Variants in PCDHGA6 observed in about 807,000 individuals in gnomAD.
The protein encoded by PCDHGA6 is protocadherin gamma subfamily A, 6.
Under a neutral mutation model 60.6 loss-of-function variants are expected in PCDHGA6, and 41 were observed. The ratio of observed to expected loss-of-function variants is 0.68; its 90% CI spans 0.53 to 0.88. The LOEUF is 0.88. PCDHGA6 is among the 40% of genes least tolerant of loss of function. PCDHGA6 has a pLI of 0.00. For synonymous variants in PCDHGA6, 594 were observed against 524.4 expected (o/e 1.13, Z -1.81); for missense variants, 1,312 against 1,203.0 (o/e 1.09, Z -1.34).
At chr5:141,468,748 C>T (rs2099176836) in intron 1 of PCDHGA6, among the ~76,000 whole-genome samples, 1 of 151,866 alleles carries the variant, frequency 6.6e-6, no homozygotes, top group South Asian at 2.1e-4. Context: ...TGCCTGTAGT[C>T]CCAGCTACTC....
chr5:141,502,238 T>C (rs2099813398), intron 2 of PCDHGA6, among the ~76,000 whole-genome samples: 1 of 152,204 alleles, frequency 6.6e-6, no homozygotes, highest in Admixed American at 6.5e-5. Flanking sequence ...TGTGTTCTTT[T>C]ATCCTTTTTT....
chr5:141,402,422 T>C (rs1385083470), intron 1 of PCDHGA6, among the ~76,000 whole-genome samples: 2 of 151,998 alleles, frequency 1.3e-5, no homozygotes, highest in African/African-American at 2.4e-5. Context: ...CAGAAAAAAT[T>C]GAAGCATCAT....
Position 141,489,555 on chromosome 5 carries a change from A to G in PCDHGA6, c.2425-5252A>G, listed in dbSNP as rs909307566. ...GAGCCAGCACCAGCTGCCTGCTGCC[A>G]GTGCAGGTGGTGACTGAACACCCCC... is the stretch of plus-strand genomic sequence containing the variant. On this transcript the variant is annotated intron_variant, in intron 1 of 3. Transcript: ENST00000517434. The surrounding 1 kb of genome is among the most constrained non-coding windows in gnomAD (Gnocchi z 4.5). 2.5e-6 allele frequency: 4 copies of G among 1,613,998 alleles called. No homozygotes were observed. The African/African-American group carries it at 5.3e-5, about 22-fold the overall frequency.
chr5:141,475,300 T>C (rs1383092136), intron 1 of PCDHGA6, among the ~76,000 whole-genome samples: 3 of 152,332 alleles, frequency 2.0e-5, no homozygotes, highest in South Asian at 2.1e-4. Context: ...AATTTCTTAT[T>C]GCTCCCTGGT....
At chr5:141,382,930 A>G (rs1292069137) in intron 1 of PCDHGA6, 9 of 1,583,428 alleles carry the variant, frequency 5.7e-6, no homozygotes, top group East Asian at 4.5e-5. Context: ...CGGGGACTAC[A>G]GAGGATTCTT....
chr5:141,419,037 A>G, intron 1 of PCDHGA6: 1 of 1,613,972 alleles, frequency 6.2e-7, no homozygotes, highest in Middle Eastern at 1.6e-4. Flanking sequence ...GTTCCATTTA[A>G]GATTCATTCT....
At chr5:141,393,917 C>A in intron 1 of PCDHGA6, 1 of 1,613,924 alleles carries the variant, frequency 6.2e-7, no homozygotes, top group Non-Finnish European at 8.5e-7. Flanking sequence ...TAATTGCCTT[C>A]TTGAGTGTGC....
At chr5:141,421,875 A>C (rs1345376105) in intron 1 of PCDHGA6, 2 of 1,613,648 alleles carry the variant, frequency 1.2e-6, no homozygotes, top group South Asian at 2.2e-5. Flanking sequence ...TCACAGCTTT[A>C]GATGGAGGCG....
intron 2 of PCDHGA6, among the ~76,000 whole-genome samples, chr5:141,496,207 T>C (rs973745475): frequency 6.6e-6 from 1 of 152,134 alleles, no homozygotes; most frequent in Non-Finnish European, 1.5e-5. Flanking sequence ...CAATCTGGTA[T>C]GAATTCCTGC....
intron 1 of PCDHGA6, 100 bp from the exon 2 acceptor site, chr5:141,494,707 G>A: frequency 2.5e-6 from 4 of 1,599,238 alleles, no homozygotes; most frequent in Non-Finnish European, 3.4e-6. Context: ...TCTTCTCTGT[G>A]CCCACTCCCC....
At chr5:141,394,753 A>G (rs2093084981) in intron 1 of PCDHGA6, 1 of 1,613,278 alleles carries the variant, frequency 6.2e-7, no homozygotes, top group Admixed American at 1.7e-5. Context: ...GTGGCCGTCC[A>G]GGACCATGGC....
chr5:141,420,293 A>T (rs1478341095), intron 1 of PCDHGA6: 1 of 1,485,484 alleles, frequency 6.7e-7, no homozygotes, highest in Admixed American at 2.2e-5. Context: ...TTAAAAATGT[A>T]TTTAATCCTT....
chr5:141,437,648 A>G (rs1291089695), intron 1 of PCDHGA6, among the ~76,000 whole-genome samples: 2 of 152,204 alleles, frequency 1.3e-5, no homozygotes, highest in African/African-American at 4.8e-5. Context: ...AGAAAAGCAA[A>G]CACATAGTTT....
At chr5:141,394,327 T>C (rs747533347) in intron 1 of PCDHGA6, 1 of 1,613,944 alleles carries the variant, frequency 6.2e-7, no homozygotes. Context: ...TCCTCGTATA[T>C]CTCCATCAAC....
rs191165530 is a variant in PCDHGA6 at position 141,439,134 on chromosome 5, A to T, written c.2425-55673A>T. On this transcript the variant is annotated intron_variant, in intron 1 of 3. Coordinates refer to ENST00000517434, the MANE Select transcript of PCDHGA6 (RefSeq NM_018919.3). The stretch of plus-strand genomic sequence containing the variant: ...CTTGAACCCGGGAGACAGAGGTTGC[A>T]GTGAGCTGAGATCACGCCACTGCAC... Among the ~76,000 whole-genome samples the T allele has an allele frequency of 2.4e-3, 368 of 151,344 alleles. 1 individual carries two copies. Among genetic ancestry groups the T allele is most frequent in the African/African-American group, 8.5e-3 (349 of 41,216 alleles).
At chr5:141,421,224 T>G (rs1401875673) in intron 1 of PCDHGA6, 2 of 1,582,072 alleles carry the variant, frequency 1.3e-6, no homozygotes, top group Admixed American at 3.6e-5. Flanking sequence ...GCTTAGAGCC[T>G]GCCATGGCGA....
chr5:141,431,053 G>A lies in PCDHGA6; in HGVS notation c.2424+54546G>A, dbSNP rs1208370015. On this transcript the variant is annotated intron_variant, in intron 1 of 3. Coordinates refer to ENST00000517434, the MANE Select transcript of PCDHGA6 (RefSeq NM_018919.3). This position sits in a 1 kb window ranked among gnomAD's most constrained non-coding sequence, Gnocchi z 4.8. ...TAGACCGGGAGGAGCTCTGTATGGG[G>A]GCCATCAAGTGTCAATTAAATCTAG... 1 of 1,614,174 alleles carries A rather than the reference G, an allele frequency of 6.2e-7. No homozygotes were observed. Among genetic ancestry groups the A allele is most frequent in the Admixed American group, 1.7e-5 (1 of 60,030 alleles).
intron 1 of PCDHGA6, chr5:141,419,262 G>C: frequency 1.9e-6 from 3 of 1,614,014 alleles, no homozygotes; most frequent in Non-Finnish European, 2.5e-6. Context: ...AACCAGCCGG[G>C]TGCCTCCATA....
At chr5:141,388,083 C>G in intron 1 of PCDHGA6, 9 of 1,358,266 alleles carry the variant, frequency 6.6e-6, no homozygotes, top group Non-Finnish European at 9.1e-6. Context: ...TCGAAAACTG[C>G]GCGTCAGTTC....
Sources: allele counts gnomAD v4.1 joint callset (sites outside exome capture counted in the v4.1 genomes callset), GRCh38; gene constraint gnomAD v4.1.1; non-coding constraint Gnocchi (gnomAD v3.1); transcripts MANE v1.5; gene names NCBI Gene and HGNC (gene_info 2026-07-23, HGNC 2026-07-21).